SEL1L2: variants seen among roughly 807,000 people sequenced by gnomAD.
SEL1L2 encodes the protein SEL1L2 adaptor subunit of SYVN1 ubiquitin ligase.
Under a neutral mutation model 98.8 loss-of-function variants are expected in SEL1L2, and 89 were observed. The observed-to-expected ratio is 0.90, with a 90% CI of 0.76 to 1.07. The LOEUF (loss-of-function observed/expected upper bound fraction) is 1.07. SEL1L2 is among the 50% of genes least tolerant of loss of function. The probability of loss-of-function intolerance (pLI) is 0.00; values close to 1 mark genes in which losing one functional copy is unlikely to be tolerated. For synonymous variants in SEL1L2, 262 were observed against 278.5 expected (o/e 0.94, Z 0.59); for missense variants, 788 against 812.0 (o/e 0.97, Z 0.36).
At position 13,926,920 on chromosome 20, in the gene SEL1L2, T is replaced by C. The variant is rs2048932464; in HGVS notation, c.283+4683A>G. On this transcript the variant is annotated intron_variant, in intron 3 of 19. Transcript: ENST00000284951. ...ATTAATGATGATTAATTCTAAGGGG[T>C]GCCAGGAAGGACATGGCCTGTAGTG... Among the ~76,000 whole-genome samples, 2 of 152,166 alleles carry C rather than the reference T, an allele frequency of 1.3e-5. 1 individual carries two copies. The highest frequency in any genetic ancestry group is 4.1e-4 in the South Asian group (2 of 4,822).
intron 4 of SEL1L2, among the ~76,000 whole-genome samples, chr20:13,918,257 G>C (rs1421628160): frequency 2.0e-5 from 3 of 152,190 alleles, no homozygotes; most frequent in African/African-American, 7.2e-5. Flanking sequence ...CCGGGTCACA[G>C]AGAGGTTGAG....
intron 2 of SEL1L2, among the ~76,000 whole-genome samples, chr20:13,951,083 T>C (rs796574984): frequency 5.2e-4 from 78 of 150,816 alleles, no homozygotes; most frequent in African/African-American, 1.8e-3. Context: ...GAGACCATCC[T>C]GGCTAACACG....
intron 2 of SEL1L2, among the ~76,000 whole-genome samples, chr20:13,942,454 G>A (rs1195179170): frequency 6.6e-6 from 1 of 152,144 alleles, no homozygotes; most frequent in Non-Finnish European, 1.5e-5. Flanking sequence ...CAAATTATCT[G>A]CTCCACCTGA....
chr20:13,959,788 G>C (rs752428182), intron 1 of SEL1L2, among the ~76,000 whole-genome samples: 2 of 152,088 alleles, frequency 1.3e-5, no homozygotes, highest in Non-Finnish European at 2.9e-5. Flanking sequence ...TGATTGCAAT[G>C]GTTCTTATTT....
chr20:13,984,644 GTC>G (rs1028929040), intron 1 of SEL1L2, among the ~76,000 whole-genome samples: 1 of 151,920 alleles, frequency 6.6e-6, no homozygotes, highest in Non-Finnish European at 1.5e-5. Flanking sequence ...TACTGCCAAA[GTC>G]TCTCTCTTTC....
At chr20:13,886,525 C>T in intron 8 of SEL1L2, 83 bp from the exon 9 acceptor site, 1 of 1,076,530 alleles carries the variant, frequency 9.3e-7, no homozygotes, top group South Asian at 1.5e-5. Flanking sequence ...ACACCGTTAG[C>T]TTATTATCTT....
At chr20:13,979,638 C>G (rs1365710854) in intron 1 of SEL1L2, among the ~76,000 whole-genome samples, 1 of 152,036 alleles carries the variant, frequency 6.6e-6, no homozygotes, top group African/African-American at 2.4e-5. Flanking sequence ...CTGTGTTGGG[C>G]TACATATTGG....
chr20:13,958,728 A>G (rs1429725307), intron 1 of SEL1L2, among the ~76,000 whole-genome samples: 2 of 151,768 alleles, frequency 1.3e-5, no homozygotes, highest in Non-Finnish European at 2.9e-5. Context: ...CGAGGTCAGG[A>G]GATCGAGACC....
At chr20:13,985,922 G>A (rs2052158641) in intron 1 of SEL1L2, among the ~76,000 whole-genome samples, 1 of 152,126 alleles carries the variant, frequency 6.6e-6, no homozygotes, top group South Asian at 2.1e-4. Context: ...GGCCATTTGT[G>A]TCTACCTTCT....
rs779584914 is a variant in SEL1L2, at chr20:13,939,035, G to GTTTTTTTTTTTTTTTTTTTTTTT, written c.115-7265_115-7264insAAAAAAAAAAAAAAAAAAAAAAA. On this transcript the variant is annotated intron_variant, in intron 2 of 19. Coordinates refer to ENST00000284951, the MANE Select transcript of SEL1L2 (RefSeq NM_025229.2). The stretch of plus-strand genomic sequence containing the variant: ...TTTTTTCTTTTTGGTTTGTTTGCTT[G>GTTTTTTTTTTTTTTTTTTTTTTT]TTTTGTTTTTTTTTTTTTTTTTTTC... Among the ~76,000 whole-genome samples, 249 of 31,360 alleles carry GTTTTTTTTTTTTTTTTTTTTTTT rather than the reference G, an allele frequency of 7.9e-3. 12 individuals are homozygous for GTTTTTTTTTTTTTTTTTTTTTTT. The highest frequency in any genetic ancestry group is 0.01 in the African/African-American group (96 of 9,274). The allele number at this position is 31,360 out of a possible 152,430, so 20.6% of individuals were successfully genotyped here. A position where few individuals can be genotyped will look rare whatever the true frequency, so the allele number is the denominator to read the frequency against.
intron 5 of SEL1L2, among the ~76,000 whole-genome samples, chr20:13,902,925 G>T (rs1201284561): frequency 2.0e-5 from 3 of 152,016 alleles, no homozygotes; most frequent in African/African-American, 7.2e-5. Context: ...AGACCATCCT[G>T]TCCAAAATGG....
At chr20:13,981,223 C>G (rs1425782836) in intron 1 of SEL1L2, among the ~76,000 whole-genome samples, 2 of 151,696 alleles carry the variant, frequency 1.3e-5, no homozygotes, top group African/African-American at 2.4e-5. Flanking sequence ...GCCTGGGCAA[C>G]GAGAGCAAAA....
intron 5 of SEL1L2, among the ~76,000 whole-genome samples, chr20:13,906,833 C>A (rs2047954155): frequency 6.6e-6 from 1 of 152,166 alleles, no homozygotes; most frequent in African/African-American, 2.4e-5. Context: ...CGCGTGCCAC[C>A]ACATCCAGCT....
intron 5 of SEL1L2, among the ~76,000 whole-genome samples, chr20:13,903,549 C>T (rs1422591657): frequency 6.6e-6 from 1 of 152,220 alleles, no homozygotes; most frequent in African/African-American, 2.4e-5. Context: ...TGCTATTCAA[C>T]TGACTAGTCG....
intron 5 of SEL1L2, among the ~76,000 whole-genome samples, chr20:13,907,718 C>CT (rs1389992684): frequency 3.3e-5 from 4 of 119,636 alleles, no homozygotes; most frequent in African/African-American, 1.3e-4. Flanking sequence ...TTCTTTCTTT[C>CT]TTTCTTTCTT....
chr20:13,907,920 G>C (rs900218003), intron 5 of SEL1L2, among the ~76,000 whole-genome samples: 1 of 144,144 alleles, frequency 6.9e-6, no homozygotes, highest in African/African-American at 2.6e-5. Flanking sequence ...GGCACATCCC[G>C]GCACGTGCCA....
intron 17 of SEL1L2, among the ~76,000 whole-genome samples, chr20:13,861,073 G>C (rs1486854978): frequency 6.6e-6 from 1 of 152,080 alleles, no homozygotes; most frequent in African/African-American, 2.4e-5. Context: ...CTCCTCCACT[G>C]CCTATTCCAG....
At position 13,865,395 on chromosome 20, in the gene SEL1L2, C is replaced by T; in HGVS notation, c.1524G>A (p.Met508Ile). 1.2e-6 allele frequency: 2 copies of T among 1,614,090 alleles called. No homozygotes were observed. Among genetic ancestry groups the T allele is most frequent in the South Asian group, 1.1e-5 (1 of 91,076 alleles). ...SLVQYALLAE[M>I]GYEVAQSNSA... ...AATTGCTTTGAGCTACTTCATACCC[C>T]ATTTCTGCAAGCAGTGCATACTGAA... Residue 508 changes from methionine to isoleucine, a missense_variant, in exon 16 of 20, where the codon ATG (methionine) becomes ATA (isoleucine). Coordinates refer to ENST00000284951, the MANE Select transcript of SEL1L2 (RefSeq NM_025229.2).
At chr20:13,949,708 A>C (rs2050181862) in intron 2 of SEL1L2, among the ~76,000 whole-genome samples, 1 of 152,084 alleles carries the variant, frequency 6.6e-6, no homozygotes, top group Non-Finnish European at 1.5e-5. Flanking sequence ...CAAACAAACA[A>C]AAAAGAACAA....
Sources: allele counts gnomAD v4.1 joint callset (sites outside exome capture counted in the v4.1 genomes callset), GRCh38; gene constraint gnomAD v4.1.1; transcripts MANE v1.5; gene names NCBI Gene and HGNC (gene_info 2026-07-23, HGNC 2026-07-21).